The following RUFY4 variants were observed in gnomAD, a reference collection of about 807,000 sequenced individuals.
RUFY4 encodes RUN and FYVE domain-containing protein 4.
A neutral mutation model predicts 69.0 loss-of-function variants in RUFY4; 73 were observed. That is an observed-to-expected ratio of 1.06 (90% CI 0.88 to 1.29). The LOEUF (loss-of-function observed/expected upper bound fraction) is 1.29. Ranked by LOEUF, RUFY4 falls within the 50% of genes most tolerant of loss-of-function variation. The pLI, the probability that RUFY4 is intolerant of heterozygous loss-of-function variation, is 0.00. For synonymous variants in RUFY4, 287 were observed against 271.8 expected (o/e 1.06, Z -0.55); for missense variants, 770 against 705.6 (o/e 1.09, Z -1.03).
chr2:218,080,657 G>A (rs1689740548), intron 8 of RUFY4, among the ~76,000 whole-genome samples: 1 of 152,206 alleles, frequency 6.6e-6, no homozygotes, highest in South Asian at 2.1e-4. Context: ...AGCCAAAGAG[G>A]TCCTCAGGAT....
intron 10 of RUFY4, 128 bp from the exon 13 acceptor site, chr2:218,089,824 C>T (rs924018068): frequency 6.6e-6 from 5 of 761,058 alleles, no homozygotes; most frequent in African/African-American, 1.7e-5. Context: ...CAAGGGCATT[C>T]CACTGGGAGA....
intron 2 of RUFY4, among the ~76,000 whole-genome samples, chr2:218,043,419 T>C (rs751479846): frequency 7.9e-5 from 12 of 152,066 alleles, no homozygotes; most frequent in African/African-American, 7.2e-5. Context: ...TCCCAACATC[T>C]GTTCTGCTCT....
chr2:218,075,413 G>A lies in RUFY4; in HGVS notation c.921G>A (p.Lys307=), dbSNP rs756721539. The change falls in exon 7 of 11, where the codon AAG becomes AAA. Residue 307 remains lysine (K), a synonymous_variant. Coordinates refer to ENST00000344321, the Ensembl canonical transcript of RUFY4. ...GGAAGGGGGCTATGGGCACTCAGAA[G>A]GAGGTGATAGGGATGGAGGCTGAGG... The A allele has an allele frequency of 2.5e-6, 4 of 1,612,734 alleles. No individual in the cohort carries two copies. In the South Asian group the frequency reaches 4.4e-5, roughly 18 times the overall value.
chr2:218,066,372 C>T (rs780445369), upstream of RUFY4, among the ~76,000 whole-genome samples: 2 of 151,786 alleles, frequency 1.3e-5, no homozygotes, highest in African/African-American at 4.8e-5. Context: ...TTAGTAGGGA[C>T]GGGGTTTTGC....
At chr2:218,079,328 G>A (rs1381824688) in intron 8 of RUFY4, among the ~76,000 whole-genome samples, 1 of 152,208 alleles carries the variant, frequency 6.6e-6, no homozygotes, top group African/African-American at 2.4e-5. Flanking sequence ...GATGAAGTGT[G>A]AAGTAGAACT....
At chr2:218,044,885 A>G (rs901784697) in intron 2 of RUFY4, among the ~76,000 whole-genome samples, 6 of 152,228 alleles carry the variant, frequency 3.9e-5, no homozygotes, top group Non-Finnish European at 8.8e-5. Flanking sequence ...TATTGTGAAT[A>G]GTGCTGCAAT....
At chr2:218,073,937 ATCC>A in intron 6 of RUFY4, 52 bp downstream of exon 8, 1 of 1,570,136 alleles carries the variant, frequency 6.4e-7, no homozygotes, top group Admixed American at 1.7e-5. Context: ...TCTCCTTGGC[ATCC>A]TCAAGTTGAG....
chr2:218,075,130 T>C, exon 7 of RUFY4: 3 of 1,548,624 alleles, frequency 1.9e-6, no homozygotes, highest in Non-Finnish European at 2.6e-6. Flanking sequence ...AATGTCCAGA[T>C]TGAGGACTCA....
At chr2:218,047,793 C>T (rs1559421873) in intron 2 of RUFY4, among the ~76,000 whole-genome samples, 1 of 152,112 alleles carries the variant, frequency 6.6e-6, no homozygotes, top group East Asian at 1.9e-4. Flanking sequence ...TAAGCTTAAA[C>T]TTACGTTTAT....
At chr2:218,068,233 GGGCAGGGGACTGGAGGGA>G (rs1173334165), upstream of RUFY4, among the ~76,000 whole-genome samples, 2 of 149,956 alleles carry the variant, frequency 1.3e-5, no homozygotes, top group Non-Finnish European at 3.0e-5. Flanking sequence ...GGTTAGAGGA[GGGCAGGGGACTGGAGGGA>G]GGCAGGGGGC....
At chr2:218,047,155 A>G (rs1688846918) in intron 2 of RUFY4, among the ~76,000 whole-genome samples, 1 of 152,102 alleles carries the variant, frequency 6.6e-6, no homozygotes, top group African/African-American at 2.4e-5. Context: ...TACCTTGATT[A>G]AACACAAAAT....
chr2:218,053,191 A>T (rs1688984269), intron 2 of RUFY4, among the ~76,000 whole-genome samples: 1 of 152,166 alleles, frequency 6.6e-6, no homozygotes, highest in East Asian at 1.9e-4. Context: ...CTAAAATAGA[A>T]TTCTAACTTA....
intron 3 of RUFY4, chr2:218,060,338 C>G (rs1689152231): frequency 9.8e-6 from 15 of 1,532,346 alleles, no homozygotes; most frequent in Non-Finnish European, 1.3e-5. Context: ...GGCAAGAGGT[C>G]TTAGAGAGTA....
chr2:218,080,561 A>T (rs1260632001), intron 8 of RUFY4, among the ~76,000 whole-genome samples: 2 of 152,188 alleles, frequency 1.3e-5, no homozygotes, highest in African/African-American at 4.8e-5. Context: ...CCCAGCTCAG[A>T]TGCTCATGGG....
chr2:218,083,206 G>T, exon 9 of RUFY4: 1 of 1,613,286 alleles, frequency 6.2e-7, no homozygotes, highest in East Asian at 2.2e-5. Context: ...AGCTTGGAGG[G>T]CAGCGGGACT....
At chr2:218,049,746 G>A (rs1688904771) in intron 2 of RUFY4, among the ~76,000 whole-genome samples, 1 of 152,108 alleles carries the variant, frequency 6.6e-6, no homozygotes, top group African/African-American at 2.4e-5. Flanking sequence ...GACCTCAGGT[G>A]ATCCACCCGC....
chr2:218,085,439 A>G (rs1689871461), intron 9 of RUFY4, among the ~76,000 whole-genome samples: 1 of 152,210 alleles, frequency 6.6e-6, no homozygotes, highest in Non-Finnish European at 1.5e-5. Flanking sequence ...TCTATTCTCC[A>G]TCCTGAAATT....
upstream of RUFY4, among the ~76,000 whole-genome samples, chr2:218,065,079 C>T (rs1226274580): frequency 2.0e-5 from 3 of 152,152 alleles, no homozygotes; most frequent in South Asian, 2.1e-4. Flanking sequence ...AGCCTGGGAA[C>T]GGGTGGAGAA....
At chr2:218,042,575 A>G (rs552068235) in intron 2 of RUFY4, among the ~76,000 whole-genome samples, 221 of 152,286 alleles carry the variant, frequency 1.5e-3, no homozygotes, top group African/African-American at 4.9e-3. Context: ...TGATGGATTT[A>G]CCTCATTTGT....
Sources: allele counts gnomAD v4.1 joint callset (sites outside exome capture counted in the v4.1 genomes callset), GRCh38; gene constraint gnomAD v4.1.1; transcripts MANE v1.5; gene names NCBI Gene and HGNC (gene_info 2026-07-23, HGNC 2026-07-21).